Variants in MTM1 observed in about 807,000 individuals in gnomAD.
MTM1 encodes the protein myotubularin 1.
In MTM1, 9 loss-of-function variants were observed where a neutral mutation model predicts 52.1. The observed-to-expected ratio is 0.17, with a 90% CI of 0.10 to 0.30. The LOEUF (loss-of-function observed/expected upper bound fraction) is 0.30. Ranked by LOEUF, MTM1 falls within the 10% of genes least tolerant of loss-of-function variation. The pLI, the probability that MTM1 is intolerant of heterozygous loss-of-function variation, is 1.00. For synonymous variants in MTM1, 136 were observed against 163.8 expected, an observed-to-expected ratio of 0.83 and a Z score of 1.29; for missense variants, 277 against 470.7, an observed-to-expected ratio of 0.59 and a Z score of 3.81.
chrX:150,584,906 A>G lies in MTM1; in HGVS notation c.-10-7699A>G, dbSNP rs368295062. On this transcript the variant is annotated intron_variant, in intron 1 of 14. Transcript: ENST00000370396. ...AAATTAGTATTTGAAGTATTTTTCT[A>G]TTTGTATTATTTGTATTTGTATTAT... Among the ~76,000 whole-genome samples the G allele has an allele frequency of 2.9e-4, 32 of 111,315 alleles. 2 individuals carry two copies. The East Asian group carries it at 7.0e-3, about 24-fold the overall frequency.
chrX:150,618,589 G>A (rs1237596671), intron 5 of MTM1, among the ~76,000 whole-genome samples: 2 of 111,356 alleles, frequency 1.8e-5, no homozygotes, highest in African/African-American at 6.5e-5. Context: ...AGGAGGTGGA[G>A]GTTGCAGTGA....
At chrX:150,571,708 G>C (rs1465465732) in intron 1 of MTM1, among the ~76,000 whole-genome samples, 3 of 112,402 alleles carry the variant, frequency 2.7e-5, no homozygotes, top group Non-Finnish European at 5.6e-5. Flanking sequence ...GTTGGCACGA[G>C]CTTTTGGTTC....
chrX:150,617,322 G>T (rs1224462773), intron 5 of MTM1, among the ~76,000 whole-genome samples: 1 of 112,016 alleles, frequency 8.9e-6, no homozygotes, highest in African/African-American at 3.2e-5. Flanking sequence ...TCCTCACAGG[G>T]CCTGAGCCCT....
At chrX:150,604,307 C>T (rs1412707790) in intron 4 of MTM1, among the ~76,000 whole-genome samples, 2 of 111,728 alleles carry the variant, frequency 1.8e-5, no homozygotes, top group Admixed American at 9.4e-5. Context: ...AGAGTTTACC[C>T]AGCCTTTTTC....
At chrX:150,628,436 T>A (rs1445246271) in intron 6 of MTM1, among the ~76,000 whole-genome samples, 1 of 111,306 alleles carries the variant, frequency 9.0e-6, no homozygotes, top group Admixed American at 9.5e-5. Flanking sequence ...CATCTAGACA[T>A]GGGTTTTCTA....
upstream of MTM1, among the ~76,000 whole-genome samples, chrX:150,565,083 C>A (rs1241686651): frequency 8.9e-6 from 1 of 112,125 alleles, no homozygotes; most frequent in Non-Finnish European, 1.9e-5. Context: ...GGATTTAAAC[C>A]CTGGAACCTT....
At chrX:150,585,704 A>G (rs1297562972) in intron 1 of MTM1, among the ~76,000 whole-genome samples, 1 of 112,135 alleles carries the variant, frequency 8.9e-6, no homozygotes, top group Non-Finnish European at 1.9e-5. Context: ...ACTGGCAGGT[A>G]TTTGACTGTT....
chrX:150,645,589 T>C, intron 8 of MTM1, 94 bp from the exon 9 acceptor site: 1 of 837,272 alleles, frequency 1.2e-6, no homozygotes, highest in Non-Finnish European at 1.8e-6. Flanking sequence ...GATTCACTTC[T>C]TGATAACCGT....
chrX:150,598,572 T>C lies in MTM1; in HGVS notation c.137-20T>C, dbSNP rs1253754411. On this transcript the variant is annotated intron_variant, in intron 3 of 14. Coordinates refer to ENST00000370396, the MANE Select transcript of MTM1 (RefSeq NM_000252.3). The stretch of plus-strand genomic sequence containing the variant: ...GGTATCTATTTCCATTATTTTAGGG[T>C]ACTTTTTTTATCTTAATAGACAAAG... 1 of 996,649 alleles carries C rather than the reference T, an allele frequency of 1.0e-6. No individual in the cohort carries two copies. Among genetic ancestry groups the C allele is most frequent in the Admixed American group, 2.2e-5 (1 of 45,308 alleles). 82.1% of individuals were successfully genotyped at this position (996,649 alleles called of 1,213,427 possible).
chrX:150,672,976 C>T lies in MTM1; in HGVS notation c.*1381C>T, dbSNP rs1175552168. The stretch of plus-strand genomic sequence containing the variant: ...TATAAGAAATTTTATTAGACATTCT[C>T]TTACTTTTTGTAAATGCTGTAAATA... On this transcript the variant is annotated 3_prime_UTR_variant, in exon 15 of 15. Coordinates refer to ENST00000370396, the MANE Select transcript of MTM1 (RefSeq NM_000252.3). 8.9e-6 allele frequency: 1 copy of T among 112,311 alleles called. No individual in the cohort carries two copies. Among genetic ancestry groups the T allele is most frequent in the African/African-American group, 3.2e-5 (1 of 30,906 alleles). 9.3% of individuals were successfully genotyped at this position (112,311 alleles called of 1,213,427 possible).
At chrX:150,616,443 C>A (rs1377803163) in intron 5 of MTM1, among the ~76,000 whole-genome samples, 2 of 111,810 alleles carry the variant, frequency 1.8e-5, no homozygotes, top group African/African-American at 6.5e-5. Flanking sequence ...CTTTCGCCTG[C>A]AGTCAATAAC....
At chrX:150,653,023 G>GA (rs2148502539) in intron 10 of MTM1, among the ~76,000 whole-genome samples, 1 of 110,936 alleles carries the variant, frequency 9.0e-6, no homozygotes, top group African/African-American at 3.3e-5. Context: ...TGTTTTAAGA[G>GA]ACCTCTCTAA....
chrX:150,592,170 AGT>A (rs782501034), intron 1 of MTM1, among the ~76,000 whole-genome samples: 2 of 112,602 alleles, frequency 1.8e-5, no homozygotes, highest in African/African-American at 6.4e-5. Context: ...TAGAGAAAAT[AGT>A]GTGAGTTAAA....
At position 150,570,661 on chromosome X, in the gene MTM1, G is replaced by A. The variant is rs782603542; in HGVS notation, c.-11+1999G>A. On this transcript the variant is annotated intron_variant, in intron 1 of 14. Coordinates refer to ENST00000370396, the MANE Select transcript of MTM1 (RefSeq NM_000252.3). Reference sequence around the variant, plus strand: ...TATTGGTTGTTGATTTCATGCCGGTGTCTGCTGGACTCTCAGGCTACCTTG... The same window carrying A: ...TATTGGTTGTTGATTTCATGCCGGTATCTGCTGGACTCTCAGGCTACCTTG... 3.6e-5 allele frequency among the ~76,000 whole-genome samples: 4 copies of A among 112,132 alleles called. No individual in the cohort carries two copies. The East Asian group carries it at 1.1e-3, about 31-fold the overall frequency.
At chrX:150,623,327 G>C (rs782174621) in intron 6 of MTM1, among the ~76,000 whole-genome samples, 3 of 111,200 alleles carry the variant, frequency 2.7e-5, no homozygotes, top group Non-Finnish European at 5.7e-5. Flanking sequence ...CTTAAAGTCG[G>C]GACCTCCTTT....
chrX:150,651,143 A>G (rs1214979817), intron 10 of MTM1, among the ~76,000 whole-genome samples: 1 of 112,175 alleles, frequency 8.9e-6, no homozygotes, highest in African/African-American at 3.2e-5. Context: ...AAAGTCTTAT[A>G]CCATTTTCCC....
intron 4 of MTM1, among the ~76,000 whole-genome samples, chrX:150,613,049 G>T (rs2039316187): frequency 9.3e-6 from 1 of 107,783 alleles, no homozygotes; most frequent in Non-Finnish European, 1.9e-5. Context: ...GGAAGGCTGA[G>T]GTGGGAGGAT....
intron 1 of MTM1, among the ~76,000 whole-genome samples, chrX:150,575,226 G>T (rs782624584): frequency 8.9e-6 from 1 of 112,700 alleles, no homozygotes; most frequent in South Asian, 3.7e-4. Context: ...TCCCTAAACA[G>T]AAGTTTCCTC....
At chrX:150,651,854 G>A (rs1284259532) in intron 10 of MTM1, among the ~76,000 whole-genome samples, 1 of 111,000 alleles carries the variant, frequency 9.0e-6, no homozygotes, top group African/African-American at 3.3e-5. Context: ...CAGTGAAGGA[G>A]GCATACCAGA....
Sources: allele counts gnomAD v4.1 joint callset (sites outside exome capture counted in the v4.1 genomes callset), GRCh38; gene constraint gnomAD v4.1.1; transcripts MANE v1.5; gene names NCBI Gene and HGNC (gene_info 2026-07-23, HGNC 2026-07-21).